Variants in HERC2 observed in about 807,000 individuals in gnomAD.
The protein encoded by HERC2 is HECT and RLD domain containing E3 ubiquitin protein ligase 2, also known as E3 ubiquitin-protein ligase HERC2.
In HERC2, 102 loss-of-function variants were observed where a neutral mutation model predicts 537.7. The observed-to-expected ratio is 0.19, with a 90% CI of 0.16 to 0.22. The LOEUF (loss-of-function observed/expected upper bound fraction) is 0.22, where lower values mean the gene tolerates loss of function less well. Ranked by LOEUF, HERC2 falls within the 10% of genes least tolerant of loss-of-function variation. The pLI is 1.00. For missense variants in HERC2, 4,236 were observed against 6,198.2 expected (o/e 0.68, Z 10.63); for synonymous variants, 2,224 against 2,466.2 (o/e 0.90, Z 2.91).
At position 28,229,707 on chromosome 15, in the gene HERC2, A is replaced by C. The variant is rs749118785; in HGVS notation, c.4950T>G (p.Asp1650Glu). ...AEFALKEEPV[D>E]VEKMRKCLLK... ...GTAGGCACTTTCTCATTTTTTCCAC[A>C]TCCACTGGCTCTTCTTTAAGGGCAA... Residue 1650 changes from aspartate (D) to glutamate (E), a missense_variant, in exon 32 of 93, where the codon GAT (aspartate) becomes GAG (glutamate). Physicochemically the swap from Asp to Glu is conservative, Grantham distance 45. Transcript: ENST00000261609. The C allele has an allele frequency of 2.0e-5, 33 of 1,611,822 alleles. 1 individual carries two copies. The East Asian group carries it at 2.5e-4, about 12-fold the overall frequency.
At chr15:28,300,256 T>C (rs1467009895) in intron 2 of HERC2, among the ~76,000 whole-genome samples, 2 of 150,516 alleles carry the variant, frequency 1.3e-5, no homozygotes, top group Non-Finnish European at 2.9e-5. Flanking sequence ...TTCTGAAACA[T>C]ACATGACTTT....
intron 43 of HERC2, among the ~76,000 whole-genome samples, 159 bp downstream of exon 43, chr15:28,212,286 G>A (rs1306596476): frequency 2.6e-5 from 4 of 152,136 alleles, no homozygotes; most frequent in Non-Finnish European, 4.4e-5. Context: ...TCATTACCAC[G>A]AACACAGGGT....
intron 23 of HERC2, among the ~76,000 whole-genome samples, chr15:28,243,720 C>T (rs1292459524): frequency 6.6e-6 from 1 of 152,212 alleles, no homozygotes; most frequent in Non-Finnish European, 1.5e-5. Context: ...ACAGGGAGTG[C>T]TAGCAATGCT....
intron 30 of HERC2, among the ~76,000 whole-genome samples, chr15:28,231,369 T>C (rs1901823246): frequency 6.6e-6 from 1 of 152,088 alleles, no homozygotes; most frequent in African/African-American, 2.4e-5. Context: ...ACCCAGGACC[T>C]TGTGGCAGTG....
chr15:28,163,212 G>T lies in HERC2; in HGVS notation c.10628C>A (p.Ala3543Glu). Residue 3543 changes from alanine to glutamate, a missense_variant, in exon 69 of 93, where the codon GCG (alanine) becomes GAG (glutamate). By Grantham distance (107) the Ala-to-Glu change is moderately radical. Coordinates refer to ENST00000261609, the MANE Select transcript of HERC2 (RefSeq NM_004667.6). Reference sequence around the variant, plus strand: ...GTCTACCACCACACGAGTGTCATCCGCAATCAGCAGACTGGTGAACTCATC... The same window carrying T: ...GTCTACCACCACACGAGTGTCATCCTCAATCAGCAGACTGGTGAACTCATC... ...ALDEFTSLLI[A>E]DDTRVVVDLL... 1 of 1,613,828 alleles carries T rather than the reference G, an allele frequency of 6.2e-7. No homozygotes were observed. The highest frequency in any genetic ancestry group is 8.5e-7 in the Non-Finnish European group (1 of 1,180,006).
At chr15:28,292,662 C>T (rs542471215) in intron 4 of HERC2, among the ~76,000 whole-genome samples, 5 of 152,164 alleles carry the variant, frequency 3.3e-5, no homozygotes, top group South Asian at 2.1e-4. Flanking sequence ...ATTAGTCAAG[C>T]GTGATGGCTG....
At chr15:28,239,600 C>T (rs939076802) in intron 23 of HERC2, among the ~76,000 whole-genome samples, 3 of 145,856 alleles carry the variant, frequency 2.1e-5, no homozygotes, top group Non-Finnish European at 4.5e-5. Context: ...AAGCGGGGAG[C>T]CACCGAGCAT....
chr15:28,249,062 A>C (rs572613419), intron 20 of HERC2, among the ~76,000 whole-genome samples: 9 of 152,376 alleles, frequency 5.9e-5, no homozygotes. Flanking sequence ...ATGTTTAAGG[A>C]ATGTAAACAT....
chr15:28,243,337 GA>G, intron 23 of HERC2, among the ~76,000 whole-genome samples: 1 of 152,286 alleles, frequency 6.6e-6, no homozygotes, highest in African/African-American at 2.4e-5. Flanking sequence ...ATCTGGGTAA[GA>G]AAAAGATTTC....
intron 12 of HERC2, among the ~76,000 whole-genome samples, chr15:28,267,294 C>T (rs186012571): frequency 1.3e-3 from 204 of 152,336 alleles, no homozygotes; most frequent in Middle Eastern, 3.4e-3. Context: ...TTATCTCCAG[C>T]TTCTGCCATC....
At chr15:28,184,369 C>CA (rs1896103354) in intron 56 of HERC2, among the ~76,000 whole-genome samples, 1 of 152,124 alleles carries the variant, frequency 6.6e-6, no homozygotes, top group South Asian at 2.1e-4. Context: ...AGTTGGGTGG[C>CA]AGCCCTGTAG....
In HERC2 at chr15:28,210,137, ATTTAT is replaced by A. The variant is rs557469220; in HGVS notation, c.7069+860_7069+864del. ...CCACTATGCCCCACTATTTTTTTTTATTTATTTATTTTTTGAGACAGAGTCTTGCT... is the reference window on the plus strand; with the variant it reads ...CCACTATGCCCCACTATTTTTTTTTATTATTTTTTGAGACAGAGTCTTGCT... On this transcript the variant is annotated intron_variant, in intron 44 of 92. Transcript: ENST00000261609. 6.5e-3 allele frequency among the ~76,000 whole-genome samples: 957 copies of A among 146,200 alleles called. 9 individuals carry two copies. Among genetic ancestry groups the A allele is most frequent in the African/African-American group, 0.023 (901 of 39,596 alleles).
chr15:28,300,377 C>T (rs1216657277), intron 2 of HERC2, among the ~76,000 whole-genome samples: 1 of 149,328 alleles, frequency 6.7e-6, no homozygotes. Context: ...TTTTGAACTA[C>T]ATATCATTAA....
chr15:28,137,735 G>A (rs1000883916), intron 78 of HERC2, among the ~76,000 whole-genome samples: 3 of 152,092 alleles, frequency 2.0e-5, no homozygotes, highest in Non-Finnish European at 2.9e-5. Flanking sequence ...TTGAAATAAG[G>A]CCACTTAATA....
chr15:28,294,266 A>G (rs891827003), intron 3 of HERC2, among the ~76,000 whole-genome samples: 23 of 152,118 alleles, frequency 1.5e-4, no homozygotes, highest in Admixed American at 3.3e-4. Context: ...AAATATCCAA[A>G]GAACTAATGG....
chr15:28,269,882 T>TGTGCACGGGCACACACAC (rs1242916320), intron 10 of HERC2, among the ~76,000 whole-genome samples: 2 of 152,256 alleles, frequency 1.3e-5, no homozygotes, highest in African/African-American at 4.8e-5. Context: ...CACCTGTGCA[T>TGTGCACGGGCACACACAC]GTGCACGGGC....
intron 71 of HERC2, among the ~76,000 whole-genome samples, chr15:28,145,313 G>C (rs1433816720): frequency 1.3e-5 from 2 of 152,224 alleles, no homozygotes; most frequent in Non-Finnish European, 2.9e-5. Flanking sequence ...CTGTGGACAG[G>C]AGCGGTGGTG....
chr15:28,311,427 T>G lies in HERC2; in HGVS notation c.72+9935A>C, dbSNP rs1271409723. On this transcript the variant is annotated intron_variant, in intron 2 of 92. Transcript: ENST00000261609. ...CTGCAGTGAGCCGTGACGGTGCCAC[T>G]GCATTCCAGCCTGGGCAACAGAGTG... is the stretch of plus-strand genomic sequence containing the variant. 2.6e-5 allele frequency among the ~76,000 whole-genome samples: 4 copies of G among 152,362 alleles called. No homozygotes were observed. In the South Asian group the frequency reaches 8.3e-4, roughly 32 times the overall value.
intron 70 of HERC2, among the ~76,000 whole-genome samples, chr15:28,149,925 G>A (rs373764727): frequency 1.6e-4 from 21 of 131,276 alleles, no homozygotes; most frequent in East Asian, 7.2e-4. Flanking sequence ...ACAGCCACAC[G>A]AACGCACATT....
Sources: allele counts gnomAD v4.1 joint callset (sites outside exome capture counted in the v4.1 genomes callset), GRCh38; gene constraint gnomAD v4.1.1; transcripts MANE v1.5; gene names NCBI Gene and HGNC (gene_info 2026-07-23, HGNC 2026-07-21).